The following XRN2 variants were observed in gnomAD, a reference collection of about 807,000 sequenced individuals.
XRN2 encodes 5'-3' exoribonuclease 2.
XRN2 carries 44 observed loss-of-function variants against 138.5 expected under a neutral mutation model. The ratio of observed to expected loss-of-function variants is 0.32; its 90% CI spans 0.25 to 0.41. The LOEUF (loss-of-function observed/expected upper bound fraction) is 0.41, where lower values mean the gene tolerates loss of function less well. Among genes scored for constraint, XRN2 ranks in the 10% least tolerant of loss-of-function variants. The pLI is 1.00. For synonymous variants in XRN2, 354 were observed against 369.4 expected, an observed-to-expected ratio of 0.96 and a Z score of 0.48; for missense variants, 937 against 1,169.3, an observed-to-expected ratio of 0.80 and a Z score of 2.90.
intron 3 of XRN2, among the ~76,000 whole-genome samples, chr20:21,328,226 G>A (rs1201471499): frequency 2.0e-5 from 3 of 152,136 alleles, no homozygotes; most frequent in Non-Finnish European, 4.4e-5. Flanking sequence ...AGTAAAGTGA[G>A]CTTTCTTTCT....
intron 1 of XRN2, among the ~76,000 whole-genome samples, chr20:21,305,053 C>A (rs1255872230): frequency 6.6e-6 from 1 of 152,130 alleles, no homozygotes; most frequent in Non-Finnish European, 1.5e-5. Context: ...TCTTGCCGCG[C>A]CCGGACTCTA....
At chr20:21,343,960 GTT>G in intron 15 of XRN2, 128 bp from the exon 16 acceptor site, 1 of 620,982 alleles carries the variant, frequency 1.6e-6, no homozygotes, top group Non-Finnish European at 2.8e-6. Context: ...TTCTAAATAT[GTT>G]TACCATCTCT....
intron 20 of XRN2, among the ~76,000 whole-genome samples, chr20:21,353,238 ATATATATATATATATATATATATATATC>A (rs200705173): frequency 1.3e-3 from 48 of 38,396 alleles, no homozygotes; most frequent in Admixed American, 2.1e-3. Flanking sequence ...ATATATATAT[ATATATATATATATATATATATATATATC>A]TCTTAAATGT....
intron 1 of XRN2, chr20:21,303,690 G>A: frequency 7.8e-7 from 1 of 1,283,810 alleles, no homozygotes; most frequent in Non-Finnish European, 9.8e-7. Flanking sequence ...GGCGGGGCAA[G>A]GGCCTATAGG....
At chr20:21,381,626 A>G (rs1395883953) in intron 27 of XRN2, among the ~76,000 whole-genome samples, 1 of 152,190 alleles carries the variant, frequency 6.6e-6, no homozygotes. Flanking sequence ...TATTTATGGA[A>G]AAGAACTAAA....
intron 27 of XRN2, among the ~76,000 whole-genome samples, chr20:21,371,276 T>TA (rs2038757989): frequency 6.6e-6 from 1 of 152,244 alleles, no homozygotes; most frequent in Admixed American, 6.5e-5. Context: ...CTATAGGTCT[T>TA]ACTCTTTCAG....
chr20:21,377,447 G>A (rs2038837878), intron 27 of XRN2, among the ~76,000 whole-genome samples: 1 of 150,282 alleles, frequency 6.7e-6, no homozygotes, highest in African/African-American at 2.5e-5. Context: ...AGTAGAGTCA[G>A]GGTTTTGCCA....
At position 21,326,543 on chromosome 20, in the gene XRN2, A is replaced by G. The variant is rs1321719030; in HGVS notation, c.257A>G (p.Asp86Gly). The G allele has an allele frequency of 3.1e-6, 5 of 1,613,986 alleles. No individual in the cohort carries two copies. The Admixed American group carries it at 5.0e-5, about 16-fold the overall frequency. Residue 86 changes from aspartate to glycine, a missense_variant, in exon 3 of 30, where the codon GAC (aspartate) becomes GGC (glycine). By Grantham distance (94) the Asp-to-Gly change is moderately conservative. Transcript: ENST00000377191. ...EMMVAIFEYI[D>G]RLFSIVRPRR... ...ATGGTTGCAATTTTTGAGTACATTGACAGACTTTTCAGTATTGTAAGACCA... is the reference window on the plus strand; with the variant it reads ...ATGGTTGCAATTTTTGAGTACATTGGCAGACTTTTCAGTATTGTAAGACCA...
intron 29 of XRN2, 137 bp from the exon 30 acceptor site, chr20:21,389,136 A>T: frequency 1.4e-6 from 1 of 693,816 alleles, no homozygotes; most frequent in Non-Finnish European, 2.3e-6. Flanking sequence ...AGCACCTTTT[A>T]TGGGGCCTTT....
At chr20:21,384,681 CG>C (rs1193652777) in intron 28 of XRN2, among the ~76,000 whole-genome samples, 1 of 152,068 alleles carries the variant, frequency 6.6e-6, no homozygotes, top group Admixed American at 6.6e-5. Flanking sequence ...TTAGTAGAGA[CG>C]GGGTTTTCCC....
At chr20:21,322,045 A>G (rs1320643420) in intron 1 of XRN2, among the ~76,000 whole-genome samples, 1 of 152,242 alleles carries the variant, frequency 6.6e-6, no homozygotes, top group East Asian at 1.9e-4. Flanking sequence ...TCCTGAATCT[A>G]TAGTAGTGTG....
chr20:21,346,272 A>G, intron 16 of XRN2, 143 bp from the exon 17 acceptor site: 1 of 1,075,208 alleles, frequency 9.3e-7, no homozygotes, highest in Non-Finnish European at 1.3e-6. Context: ...AAATAGTTAA[A>G]TGAATCTGTG....
chr20:21,378,369 A>T (rs2038848385), intron 27 of XRN2, among the ~76,000 whole-genome samples: 3 of 152,220 alleles, frequency 2.0e-5, no homozygotes, highest in Non-Finnish European at 4.4e-5. Flanking sequence ...AAATAAATTA[A>T]CATGAAGTGC....
At chr20:21,351,709 C>A (rs187550941) in intron 20 of XRN2, among the ~76,000 whole-genome samples, 138 of 152,288 alleles carry the variant, frequency 9.1e-4, no homozygotes, top group African/African-American at 3.3e-3. Context: ...CTAAAAGTTA[C>A]ACAGTTTTAG....
chr20:21,342,487 ATAT>A (rs963972206), intron 15 of XRN2, among the ~76,000 whole-genome samples: 9 of 152,312 alleles, frequency 5.9e-5, no homozygotes, highest in African/African-American at 9.6e-5. Context: ...TCTAGAAAGT[ATAT>A]TATTATTTGT....
chr20:21,328,799 A>G lies in XRN2; in HGVS notation c.427+129A>G, dbSNP rs972109398. ...AAGGATCCCAGAATATCCAGTGTTC[A>G]CTGTTGAGGAAAAGTAGTTCATGAA... On this transcript the variant is annotated intron_variant, in intron 4 of 29. Transcript: ENST00000377191. 5.1e-6 allele frequency: 4 copies of G among 785,930 alleles called. No individual in the cohort carries two copies. In the Admixed American group the frequency reaches 8.3e-5, roughly 16 times the overall value. 48.7% of individuals were successfully genotyped at this position (785,930 alleles called of 1,614,324 possible). A position where few individuals can be genotyped will look rare whatever the true frequency, so the allele number is the denominator to read the frequency against.
chr20:21,315,753 C>T (rs780817911), intron 1 of XRN2, among the ~76,000 whole-genome samples: 19 of 152,210 alleles, frequency 1.2e-4, no homozygotes, highest in Non-Finnish European at 2.5e-4. Flanking sequence ...CTCCCTCAGC[C>T]TCCCAAAGTG....
rs765056802 is a variant in XRN2, at chr20:21,326,266, C to T, written c.76-13C>T. 2 of 1,610,712 alleles carry T rather than the reference C, an allele frequency of 1.2e-6. No homozygotes were observed. Among genetic ancestry groups the T allele is most frequent in the Non-Finnish European group, 1.7e-6 (2 of 1,177,970 alleles). The stretch of plus-strand genomic sequence containing the variant: ...GAACAATCAAACTACTATTAATTAT[C>T]ACTTCCTCATAGCCAAAAGAATGCA... On this transcript the variant is annotated splice_polypyrimidine_tract_variant and intron_variant, in intron 1 of 29. Transcript: ENST00000377191.
chr20:21,366,231 T>A (rs1477934858), intron 26 of XRN2, among the ~76,000 whole-genome samples: 9 of 134,236 alleles, frequency 6.7e-5, no homozygotes, highest in African/African-American at 1.1e-4. Flanking sequence ...TATATATATA[T>A]TATATATATA....
Sources: allele counts gnomAD v4.1 joint callset (sites outside exome capture counted in the v4.1 genomes callset), GRCh38; gene constraint gnomAD v4.1.1; transcripts MANE v1.5; gene names NCBI Gene and HGNC (gene_info 2026-07-23, HGNC 2026-07-21).